Variants in SLA2 observed in about 807,000 individuals in gnomAD.
SLA2 encodes src-like-adapter 2.
Under a neutral mutation model 27.3 loss-of-function variants are expected in SLA2, and 22 were observed. The observed-to-expected ratio is 0.81, with a 90% CI of 0.58 to 1.15. SLA2 has a LOEUF of 1.15. SLA2 is among the 50% of genes most tolerant of loss of function. The pLI, the probability that SLA2 is intolerant of heterozygous loss-of-function variation, is 0.00. For synonymous variants in SLA2, 131 were observed against 137.8 expected, an observed-to-expected ratio of 0.95 and a Z score of 0.34; for missense variants, 304 against 322.2, an observed-to-expected ratio of 0.94 and a Z score of 0.43.
intron 7 of SLA2, 27 bp from the exon 8 acceptor site, chr20:36,614,013 CAAG>C: frequency 6.2e-7 from 1 of 1,612,132 alleles, no homozygotes; most frequent in Non-Finnish European, 8.5e-7. Flanking sequence ...ATAATTGGGT[CAAG>C]AAGCCTCTTC....
At chr20:36,635,926 C>G (rs1285635356) in intron 2 of SLA2, among the ~76,000 whole-genome samples, 1 of 152,142 alleles carries the variant, frequency 6.6e-6, no homozygotes, top group Non-Finnish European at 1.5e-5. Flanking sequence ...GAAGCCTTCC[C>G]TGACCAACCA....
intron 5 of SLA2, among the ~76,000 whole-genome samples, chr20:36,617,058 TAAAA>T (rs1349653573): frequency 7.0e-6 from 1 of 143,522 alleles, no homozygotes; most frequent in East Asian, 2.1e-4. Flanking sequence ...AATAAATAAA[TAAAA>T]AACCCAAGGC....
At chr20:36,616,459 T>C (rs936102332) in intron 5 of SLA2, among the ~76,000 whole-genome samples, 2 of 151,038 alleles carry the variant, frequency 1.3e-5, no homozygotes, top group East Asian at 1.9e-4. Flanking sequence ...GCCTCCCGAG[T>C]AGCTGGGACT....
chr20:36,628,153 G>A (rs1372923508), intron 5 of SLA2, among the ~76,000 whole-genome samples: 7 of 152,218 alleles, frequency 4.6e-5, no homozygotes, highest in African/African-American at 1.2e-4. Context: ...TTAGGTCTGC[G>A]GTAGGGCCTA....
chr20:36,625,216 A>ATTTTTTTTTTTTTTTTTT (rs71186005), intron 5 of SLA2, among the ~76,000 whole-genome samples: 7 of 78,490 alleles, frequency 8.9e-5, no homozygotes, highest in African/African-American at 3.7e-4. Flanking sequence ...ACGTACCCTG[A>ATTTTTTTTTTTTTTTTTT]TTTTTTTTTT....
intron 2 of SLA2, among the ~76,000 whole-genome samples, chr20:36,637,878 G>A (rs1206464415): frequency 6.8e-6 from 1 of 146,356 alleles, no homozygotes; most frequent in Non-Finnish European, 1.5e-5. Context: ...TGCCTGCCTC[G>A]GCCTCTTTTT....
intron 1 of SLA2, among the ~76,000 whole-genome samples, chr20:36,644,921 C>G (rs1401050615): frequency 7.7e-6 from 1 of 129,918 alleles, no homozygotes; most frequent in Non-Finnish European, 1.6e-5. Flanking sequence ...ATTTCAGATA[C>G]AGTGACCAAG....
chr20:36,642,329 G>A (rs78314326), intron 1 of SLA2, among the ~76,000 whole-genome samples: 4,349 of 143,978 alleles, frequency 0.03, 249 homozygotes, highest in African/African-American at 0.11. Context: ...ATACAGGTCC[G>A]AGAGATAACG....
intron 2 of SLA2, among the ~76,000 whole-genome samples, chr20:36,636,623 A>AAAAAATATAT (rs1387991352): frequency 3.5e-5 from 4 of 114,712 alleles, no homozygotes; most frequent in African/African-American, 8.0e-5. Flanking sequence ...AAAAAAAAAA[A>AAAAAATATAT]ATATATATAT....
chr20:36,623,151 C>T (rs117114247), intron 5 of SLA2, among the ~76,000 whole-genome samples: 2,079 of 151,606 alleles, frequency 0.014, 28 homozygotes, highest in Middle Eastern at 0.048. Flanking sequence ...TGCCTGTAAT[C>T]TCAGGTACTC....
Position 36,613,956 on chromosome 20 carries a change from C to T in SLA2, c.696G>A (p.Gly232=), listed in dbSNP as rs1348282401. Residue 232 remains glycine, a synonymous_variant, in exon 8 of 8, where the codon GGG becomes GGA. Transcript: ENST00000262866. ...GACCCTCACTGAGAAGAGACTCCTC[C>T]CCTGTGGCAGCTTCAGAAAACAGGA... is the stretch of plus-strand genomic sequence containing the variant. ...SSLLFSEAAT[G]EESLLSEGLR... is the part of the protein sequence containing the mutation. 1.9e-6 allele frequency: 3 copies of T among 1,613,974 alleles called. No individual in the cohort carries two copies. Among genetic ancestry groups the T allele is most frequent in the Admixed American group, 1.7e-5 (1 of 59,978 alleles).
chr20:36,613,636 T>C lies in SLA2; in HGVS notation c.*230A>G, dbSNP rs1053369888. 8.5e-6 allele frequency: 4 copies of C among 471,682 alleles called. No individual in the cohort carries two copies. The highest frequency in any genetic ancestry group is 6.6e-5 in the South Asian group (2 of 30,426). The allele number at this position is 471,682 out of a possible 1,614,324, so 29.2% of individuals were successfully genotyped here. A position where few individuals can be genotyped will look rare whatever the true frequency, so the allele number is the denominator to read the frequency against. ...TGGAACCCTGGCCCTGGTCCCACCT[T>C]CTCTGCACTCGCACTAGAGGTCGCA... is the stretch of plus-strand genomic sequence containing the variant. On this transcript the variant is annotated 3_prime_UTR_variant, in exon 8 of 8. Coordinates refer to ENST00000262866, the MANE Select transcript of SLA2 (RefSeq NM_032214.4).
At chr20:36,642,908 A>G (rs551852966) in intron 1 of SLA2, among the ~76,000 whole-genome samples, 18 of 151,144 alleles carry the variant, frequency 1.2e-4, no homozygotes, top group Admixed American at 5.3e-4. Flanking sequence ...TTACGGGCTC[A>G]TGCCATGTTG....
intron 5 of SLA2, among the ~76,000 whole-genome samples, chr20:36,623,477 C>T (rs555116710): frequency 6.6e-6 from 1 of 152,038 alleles, no homozygotes; most frequent in South Asian, 2.1e-4. Context: ...ACAGGTAATA[C>T]AATCATATGT....
At chr20:36,618,764 G>C (rs2039243695) in intron 5 of SLA2, among the ~76,000 whole-genome samples, 1 of 151,574 alleles carries the variant, frequency 6.6e-6, no homozygotes, top group Non-Finnish European at 1.5e-5. Context: ...AAATTAGCTA[G>C]GTATGGTGGC....
At chr20:36,643,998 T>G (rs920552790) in intron 1 of SLA2, among the ~76,000 whole-genome samples, 1 of 151,702 alleles carries the variant, frequency 6.6e-6, no homozygotes, top group African/African-American at 2.4e-5. Flanking sequence ...GCTCCCTCCG[T>G]ATGGGGAGTT....
intron 5 of SLA2, among the ~76,000 whole-genome samples, chr20:36,618,932 AAAG>A (rs1409455235): frequency 7.4e-5 from 11 of 149,162 alleles, no homozygotes; most frequent in African/African-American, 2.8e-4. Context: ...AAAAAAAAAA[AAAG>A]TATCTAGAAG....
intron 5 of SLA2, among the ~76,000 whole-genome samples, chr20:36,629,779 A>C (rs1014182609): frequency 6.6e-6 from 1 of 152,228 alleles, no homozygotes; most frequent in Non-Finnish European, 1.5e-5. Context: ...GTCTCAAAAA[A>C]GTATAATAAT....
chr20:36,622,210 C>CAAAAAAAAAAAAA (rs549536610), intron 5 of SLA2, among the ~76,000 whole-genome samples: 1 of 100,984 alleles, frequency 9.9e-6, no homozygotes, highest in African/African-American at 3.8e-5. Flanking sequence ...GACTTGATCT[C>CAAAAAAAAAAAAA]AAAAAAAAAA....
Sources: allele counts gnomAD v4.1 joint callset (sites outside exome capture counted in the v4.1 genomes callset), GRCh38; gene constraint gnomAD v4.1.1; transcripts MANE v1.5; gene names NCBI Gene and HGNC (gene_info 2026-07-23, HGNC 2026-07-21).